GNAS: variants seen among roughly 807,000 people sequenced by gnomAD.
The protein encoded by GNAS is GNAS complex locus.
In GNAS, 8 loss-of-function variants were observed where a neutral mutation model predicts 54.5. The ratio of observed to expected loss-of-function variants is 0.15; its 90% CI spans 0.09 to 0.26. The LOEUF (loss-of-function observed/expected upper bound fraction) is 0.26, where lower values mean the gene tolerates loss of function less well. Among genes scored for constraint, GNAS ranks in the 10% least tolerant of loss-of-function variants. The probability of loss-of-function intolerance (pLI) is 1.00; values close to 1 mark genes in which losing one functional copy is unlikely to be tolerated. For missense variants in GNAS, 170 were observed against 529.8 expected, an observed-to-expected ratio of 0.32 and a Z score of 6.67; for synonymous variants, 204 against 191.4, an observed-to-expected ratio of 1.07 and a Z score of -0.54.
chr20:58,898,386 T>C (rs541846222), intron 2 of GNAS: 2 of 154,696 alleles, frequency 1.3e-5, no homozygotes, highest in Non-Finnish European at 2.9e-5. Flanking sequence ...CCAGACATAG[T>C]TTAATGACAA....
At position 58,874,626 on chromosome 20, in the gene GNAS, T is replaced by TCTGGCCTGCCTTCTATCTTAGCTC. The variant is rs2087675354; in HGVS notation, c.44-20975_44-20952dup. 5.6e-5 allele frequency among the ~76,000 whole-genome samples: 8 copies of TCTGGCCTGCCTTCTATCTTAGCTC among 143,998 alleles called. No individual in the cohort carries two copies. In the South Asian group the frequency reaches 1.8e-3, roughly 32 times the overall value. The allele number at this position is 143,998 out of a possible 152,430, so 94.5% of individuals were successfully genotyped here. On this transcript the variant is annotated intron_variant, in intron 1 of 12. Coordinates refer to the GNAS transcript ENST00000306090. ...TCCTGGCCTGCCCTCCATCTTAGCT[T>TCTGGCCTGCCTTCTATCTTAGCTC]CTGGCCTGCCTTCTATCTTAGCTCC...
Position 58,854,175 on chromosome 20 carries a change from A to G in GNAS, c.43+13289A>G, listed in dbSNP as rs765386855. The G allele has an allele frequency of 3.1e-6, 5 of 1,612,832 alleles. No individual in the cohort carries two copies. The highest frequency in any genetic ancestry group is 3.4e-6 in the Non-Finnish European group (4 of 1,179,832). On this transcript the variant is annotated intron_variant, in intron 1 of 12. Coordinates refer to the GNAS transcript ENST00000306090. ...CACGGGCAGCAGCCCCTGGATGGAG[A>G]TCTCCGGACCCCCGTTCGAGATTGG...
Position 58,853,228 on chromosome 20 carries a change from G to A in GNAS, c.43+12342G>A, listed in dbSNP as rs1413100778. 6 of 1,507,224 alleles carry A rather than the reference G, an allele frequency of 4.0e-6. No individual in the cohort carries two copies. Among genetic ancestry groups the A allele is most frequent in the Admixed American group, 2.3e-5 (1 of 44,016 alleles). The allele number at this position is 1,507,224 out of a possible 1,614,324, so 93.4% of individuals were successfully genotyped here. A position where few individuals can be genotyped will look rare whatever the true frequency, so the allele number is the denominator to read the frequency against. On this transcript the variant is annotated intron_variant, in intron 1 of 12. Transcript: ENST00000306090. This position sits in a 1 kb window ranked among gnomAD's most constrained non-coding sequence, Gnocchi z 4.4. ...AGTTCGGTTGGGTGCTCCATCTTAC[G>A]GAGCCCCAAACTTATTTTGAGAGGC...
Position 58,903,080 on chromosome 20 carries a change from TTC to T in GNAS, c.258-446_258-445del, listed in dbSNP as rs1023678554. 5.5e-5 allele frequency: 18 copies of T among 330,026 alleles called. No homozygotes were observed. The East Asian group carries it at 1.1e-3, about 21-fold the overall frequency. 20.4% of individuals were successfully genotyped at this position (330,026 alleles called of 1,614,324 possible). A position where few individuals can be genotyped will look rare whatever the true frequency, so the allele number is the denominator to read the frequency against. On this transcript the variant is annotated intron_variant, in intron 3 of 12. Coordinates refer to ENST00000371085, the MANE Select transcript of GNAS (RefSeq NM_000516.7). ...AAACACCACCACCTGTGCTCACTGG[TTC>T]TCTCAGTATGCTAGCAACTGAGTTA...
At chr20:58,854,014 A>G (rs757318847) in intron 1 of GNAS, 3 of 1,611,684 alleles carry the variant, frequency 1.9e-6, no homozygotes, top group Admixed American at 3.3e-5. Context: ...GCACAAGTCG[A>G]CGGCAGCAGC....
Position 58,909,012 on chromosome 20 carries a change from C to A in GNAS, c.531-150C>A, listed in dbSNP as rs1259103731. 12 of 773,258 alleles carry A rather than the reference C, an allele frequency of 1.6e-5. No homozygotes were observed. Among genetic ancestry groups the A allele is most frequent in the Non-Finnish European group, 2.8e-5 (12 of 422,284 alleles). 47.9% of individuals were successfully genotyped at this position (773,258 alleles called of 1,614,324 possible). On this transcript the variant is annotated intron_variant, in intron 6 of 12. Coordinates refer to ENST00000371085, the MANE Select transcript of GNAS (RefSeq NM_000516.7). This position sits in a 1 kb window ranked among gnomAD's most constrained non-coding sequence, Gnocchi z 7.3. ...CATCAGCTTTGAGTTACAAATGTAA[C>A]CAACACACAAGCAAATGTGCCATTG...
chr20:58,895,114 C>T (rs1296862726), intron 1 of GNAS: 1 of 211,500 alleles, frequency 4.7e-6, no homozygotes, highest in Non-Finnish European at 9.6e-6. Flanking sequence ...TGCTGCATCG[C>T]TACGTGATGT....
upstream of GNAS, among the ~76,000 whole-genome samples, chr20:58,890,489 C>G (rs866533722): frequency 1.3e-5 from 2 of 152,026 alleles, no homozygotes; most frequent in South Asian, 4.1e-4. Flanking sequence ...TCGTGGTGTT[C>G]CTGGTCTTCT....
upstream of GNAS, chr20:58,889,605 C>T (rs1478503778): frequency 6.6e-6 from 1 of 152,332 alleles, no homozygotes; most frequent in Non-Finnish European, 1.5e-5. Context: ...GTTGACATTT[C>T]TTGGTGCTTT....
chr20:58,900,722 A>C (rs568990605), intron 3 of GNAS, among the ~76,000 whole-genome samples: 1 of 152,332 alleles, frequency 6.6e-6, no homozygotes, highest in South Asian at 2.1e-4. Flanking sequence ...ATTTTCTCTG[A>C]ATTTCACAAT....
At position 58,901,774 on chromosome 20, in the gene GNAS, A is replaced by G. The variant is rs111528441; in HGVS notation, c.258-1757A>G. Among the ~76,000 whole-genome samples the G allele has an allele frequency of 4.6e-3, 703 of 152,092 alleles. 11 individuals carry two copies. The highest frequency in any genetic ancestry group is 0.016 in the African/African-American group (669 of 41,534). Reference sequence around the variant, plus strand: ...ATTTGTAAGTATAATTCTTTGAGAAAGGAAAGACCAAATGATTTGTGGAAG... The same window carrying G: ...ATTTGTAAGTATAATTCTTTGAGAAGGGAAAGACCAAATGATTTGTGGAAG... On this transcript the variant is annotated intron_variant, in intron 3 of 12. Transcript: ENST00000371085.
chr20:58,891,397 A>AGCG (rs1010612633), upstream of GNAS: 43 of 242,268 alleles, frequency 1.8e-4, no homozygotes, highest in South Asian at 2.9e-4. Context: ...AGGCAATAAG[A>AGCG]GCGGCGGCGG....
At chr20:58,893,843 T>C (rs1161016699) in intron 1 of GNAS, among the ~76,000 whole-genome samples, 1 of 152,254 alleles carries the variant, frequency 6.6e-6, no homozygotes, top group Non-Finnish European at 1.5e-5. Flanking sequence ...TCTTAAAATT[T>C]CCAACACCTT....
intron 3 of GNAS, among the ~76,000 whole-genome samples, chr20:58,899,245 G>A (rs1266359005): frequency 1.3e-5 from 2 of 152,162 alleles, no homozygotes; most frequent in Non-Finnish European, 2.9e-5. Context: ...AGCCTTGGAT[G>A]ATCAGTTTAG....
At position 58,841,107 on chromosome 20, in the gene GNAS, G is replaced by A. The variant is rs1332413047; in HGVS notation, c.43+221G>A. The stretch of plus-strand genomic sequence containing the variant: ...GGCCAAAGGCTTGTTGGACGGCGGG[G>A]CGCACGCCGTGCGTCCCGCTGGAGA... On this transcript the variant is annotated intron_variant, in intron 1 of 12. Coordinates refer to the GNAS transcript ENST00000306090. This position sits in a 1 kb window ranked among gnomAD's most constrained non-coding sequence, Gnocchi z 5.0. Among the ~76,000 whole-genome samples the A allele has an allele frequency of 6.6e-6, 1 of 152,064 alleles. No individual in the cohort carries two copies. Among genetic ancestry groups the A allele is most frequent in the Non-Finnish European group, 1.5e-5 (1 of 67,996 alleles).
At chr20:58,864,466 C>A (rs188488962) in intron 1 of GNAS, among the ~76,000 whole-genome samples, 18 of 152,244 alleles carry the variant, frequency 1.2e-4, no homozygotes, top group African/African-American at 4.1e-4. Context: ...AAATCATTGA[C>A]GTCATTCAGG....
At position 58,844,587 on chromosome 20, in the gene GNAS, G is replaced by A. The variant is rs149707737; in HGVS notation, c.43+3701G>A. Among the ~76,000 whole-genome samples the A allele has an allele frequency of 3.9e-3, 594 of 152,172 alleles. 3 individuals carry two copies. Among genetic ancestry groups the A allele is most frequent in the Non-Finnish European group, 3.8e-3 (259 of 67,988 alleles). Reference sequence around the variant, plus strand: ...CCTCAGTTTCTTCTAAAATGAGATCGCTGAATGAGATGATCCTATTTATCC... The same window carrying A: ...CCTCAGTTTCTTCTAAAATGAGATCACTGAATGAGATGATCCTATTTATCC... On this transcript the variant is annotated intron_variant, in intron 1 of 12. Transcript: ENST00000306090.
At chr20:58,874,414 AC>A (rs2087657658) in intron 1 of GNAS, among the ~76,000 whole-genome samples, 1 of 152,180 alleles carries the variant, frequency 6.6e-6, no homozygotes, top group African/African-American at 2.4e-5. Flanking sequence ...TTCCCACCTA[AC>A]CTTAGAAATC....
intron 1 of GNAS, among the ~76,000 whole-genome samples, chr20:58,849,678 GCTC>G (rs1297435462): frequency 1.3e-5 from 2 of 152,104 alleles, no homozygotes; most frequent in Non-Finnish European, 2.9e-5. Context: ...CCACACTTTG[GCTC>G]CTCCATCTTT....
Sources: gnomAD v4.1 joint callset for allele counts (sites outside exome capture counted in the v4.1 genomes callset) on GRCh38, gnomAD v4.1.1 for gene constraint, Gnocchi (gnomAD v3.1) non-coding constraint, MANE v1.5 for transcripts, NCBI Gene and HGNC (gene_info 2026-07-23, HGNC 2026-07-21) for gene names.